Variants in CSTPP1 observed in about 807,000 individuals in gnomAD.
The protein encoded by CSTPP1 is UPF0705 protein C11orf49.
At chr11:47,059,969 T>A in the CSTPP1 span, among the ~76,000 whole-genome samples, 6 of 151,854 alleles carry the variant, frequency 4.0e-5, no homozygotes, top group East Asian at 9.8e-4. Flanking sequence ...CTGGGTGTGG[T>A]GGTGCATGCC....
At chr11:46,998,964 T>G in the CSTPP1 span, among the ~76,000 whole-genome samples, 1 of 152,030 alleles carries the variant, frequency 6.6e-6, no homozygotes, top group Non-Finnish European at 1.5e-5. Context: ...ATGGTCTCGA[T>G]TTCCTGACCT....
At chr11:47,052,414 A>C in the CSTPP1 span, 3 of 1,613,972 alleles carry the variant, frequency 1.9e-6, no homozygotes, top group Admixed American at 5.0e-5. Flanking sequence ...CAGGGAACAC[A>C]CATTCTCTTT....
the CSTPP1 span, among the ~76,000 whole-genome samples, chr11:47,046,286 A>G: frequency 2.0e-5 from 3 of 151,836 alleles, no homozygotes; most frequent in East Asian, 5.8e-4. Context: ...CCAAAAGAAA[A>G]AAAAAAAAAA....
the CSTPP1 span, chr11:46,987,325 G>A: frequency 6.3e-7 from 1 of 1,595,376 alleles, no homozygotes; most frequent in South Asian, 1.1e-5. Context: ...GTACATGAAT[G>A]TTGTACTAAT....
chr11:47,122,083 AAAAAAAAAATAT>A, the CSTPP1 span, among the ~76,000 whole-genome samples: 4 of 88,858 alleles, frequency 4.5e-5, no homozygotes, highest in Non-Finnish European at 9.8e-5. Flanking sequence ...AAAAAAAAAA[AAAAAAAAAATAT>A]ATATATATAT....
At chr11:47,148,829 A>C in the CSTPP1 span, among the ~76,000 whole-genome samples, 1 of 152,222 alleles carries the variant, frequency 6.6e-6, no homozygotes, top group Admixed American at 6.5e-5. Context: ...TGAGGCTCAG[A>C]GGGAAATTGT....
chr11:47,056,436 G>A, the CSTPP1 span, among the ~76,000 whole-genome samples: 1,157 of 152,262 alleles, frequency 7.6e-3, 14 homozygotes, highest in African/African-American at 0.027. Context: ...GATTCATATA[G>A]CATTTGGACT....
At chr11:47,083,240 T>A in the CSTPP1 span, among the ~76,000 whole-genome samples, 1 of 152,334 alleles carries the variant, frequency 6.6e-6, no homozygotes, top group Admixed American at 6.5e-5. Context: ...CTGCATCACT[T>A]ACAGTTTTCA....
chr11:47,043,493 G>A, the CSTPP1 span, among the ~76,000 whole-genome samples: 1 of 152,126 alleles, frequency 6.6e-6, no homozygotes, highest in East Asian at 1.9e-4. Flanking sequence ...CTAATATCAG[G>A]AATGGAGCCA....
chr11:46,993,803 G>T, the CSTPP1 span, among the ~76,000 whole-genome samples: 1 of 151,990 alleles, frequency 6.6e-6, no homozygotes, highest in East Asian at 1.9e-4. Context: ...GTTTTTTCCA[G>T]TTCTGTGAAG....
the CSTPP1 span, among the ~76,000 whole-genome samples, chr11:47,045,391 A>G: frequency 6.6e-6 from 1 of 152,206 alleles, no homozygotes; most frequent in Non-Finnish European, 1.5e-5. Context: ...TTGTGGGGCA[A>G]ACTTGACCTA....
chr11:46,955,993 C>G, the CSTPP1 span, among the ~76,000 whole-genome samples: 12 of 147,374 alleles, frequency 8.1e-5, no homozygotes, highest in Admixed American at 1.3e-4. Flanking sequence ...TCCACCCCCC[C>G]CCCCCCACCA....
At chr11:46,992,373 T>G in the CSTPP1 span, among the ~76,000 whole-genome samples, 1 of 149,708 alleles carries the variant, frequency 6.7e-6, no homozygotes, top group African/African-American at 2.5e-5. Context: ...TATCTACTAA[T>G]GCTATCCCTT....
the CSTPP1 span, among the ~76,000 whole-genome samples, chr11:47,063,032 C>T: frequency 6.6e-6 from 1 of 152,288 alleles, no homozygotes; most frequent in East Asian, 1.9e-4. Context: ...GAGTTTGCTA[C>T]CATTGCTAGA....
the CSTPP1 span, among the ~76,000 whole-genome samples, chr11:47,149,326 T>A: frequency 6.6e-6 from 1 of 152,162 alleles, no homozygotes; most frequent in Admixed American, 6.6e-5. Context: ...GCCGGGCACC[T>A]CCAGGTGTCA....
At chr11:47,052,381 T>C in the CSTPP1 span, 1 of 1,609,722 alleles carries the variant, frequency 6.2e-7, no homozygotes, top group South Asian at 1.1e-5. Context: ...GACTTTTCTC[T>C]TTGCAGTTTT....
At chr11:47,073,184 C>T in the CSTPP1 span, among the ~76,000 whole-genome samples, 2 of 152,110 alleles carry the variant, frequency 1.3e-5, no homozygotes, top group Non-Finnish European at 2.9e-5. Context: ...TTTGCTTGAG[C>T]ATCTGCTATG....
chr11:47,012,837 G>A, the CSTPP1 span, among the ~76,000 whole-genome samples: 1 of 151,678 alleles, frequency 6.6e-6, no homozygotes, highest in African/African-American at 2.4e-5. Context: ...GGAATAAAAG[G>A]GGGAAATGAA....
At chr11:47,127,795 C>T in the CSTPP1 span, among the ~76,000 whole-genome samples, 84 of 152,078 alleles carry the variant, frequency 5.5e-4, no homozygotes, top group African/African-American at 1.8e-3. Context: ...TCAATTGGCT[C>T]GCCTAATGTC....
Sources: allele counts gnomAD v4.1 joint callset (sites outside exome capture counted in the v4.1 genomes callset), GRCh38; gene constraint gnomAD v4.1.1; transcripts MANE v1.5; gene names NCBI Gene and HGNC (gene_info 2026-07-23, HGNC 2026-07-21).